CDH12: variants seen among roughly 807,000 people sequenced by gnomAD.
CDH12 encodes the protein cadherin 12, also known as cadherin-12.
In CDH12, 41 loss-of-function variants were observed where a neutral mutation model predicts 74.1. The observed-to-expected ratio is 0.55, with a 90% CI of 0.43 to 0.72. The LOEUF (loss-of-function observed/expected upper bound fraction) is 0.72, where lower values mean the gene tolerates loss of function less well. Ranked by LOEUF, CDH12 falls within the 30% of genes least tolerant of loss-of-function variation. The pLI, the probability that CDH12 is intolerant of heterozygous loss-of-function variation, is 0.00. For missense variants in CDH12, 945 were observed against 977.2 expected (o/e 0.97, Z 0.44); for synonymous variants, 399 against 355.0 (o/e 1.12, Z -1.39).
intron 1 of CDH12, among the ~76,000 whole-genome samples, chr5:22,789,853 G>T (rs529046066): frequency 6.6e-6 from 1 of 151,720 alleles, no homozygotes; most frequent in Non-Finnish European, 1.5e-5. Flanking sequence ...TTATTTGTAA[G>T]AATAAAATAT....
At chr5:22,668,816 T>TCA (rs2126909864) in intron 1 of CDH12, among the ~76,000 whole-genome samples, 1 of 152,264 alleles carries the variant, frequency 6.6e-6, no homozygotes, top group Admixed American at 6.5e-5. Context: ...TCTTTTTCTA[T>TCA]TGGTCATCTC....
chr5:22,547,265 C>A (rs1163315158), intron 1 of CDH12, among the ~76,000 whole-genome samples: 1 of 152,114 alleles, frequency 6.6e-6, no homozygotes. Context: ...TTTATACAGA[C>A]AAGAGACTTG....
chr5:22,345,162 C>A (rs73055960), intron 3 of CDH12, among the ~76,000 whole-genome samples: 1 of 152,262 alleles, frequency 6.6e-6, no homozygotes, highest in Non-Finnish European at 1.5e-5. Context: ...CTGACAATTA[C>A]TCTTTTATTA....
intron 1 of CDH12, among the ~76,000 whole-genome samples, chr5:22,660,427 C>A (rs1326624106): frequency 6.6e-6 from 1 of 152,156 alleles, no homozygotes; most frequent in Non-Finnish European, 1.5e-5. Context: ...ATAATTACTA[C>A]GTTTAATCTC....
chr5:21,790,214 C>G (rs1345342010), intron 10 of CDH12, among the ~76,000 whole-genome samples: 1 of 152,056 alleles, frequency 6.6e-6, no homozygotes, highest in Non-Finnish European at 1.5e-5. Flanking sequence ...AGTCTAACTT[C>G]ATACAGTGAA....
intron 4 of CDH12, among the ~76,000 whole-genome samples, chr5:22,122,994 A>T (rs1745615365): frequency 6.6e-6 from 1 of 152,180 alleles, no homozygotes; most frequent in South Asian, 2.1e-4. Context: ...AATTCATCCT[A>T]AATATCTGGG....
At chr5:22,037,362 C>T (rs1739262532) in intron 5 of CDH12, among the ~76,000 whole-genome samples, 1 of 152,168 alleles carries the variant, frequency 6.6e-6, no homozygotes, top group South Asian at 2.1e-4. Flanking sequence ...AAACAAAGAA[C>T]CAGAATGATA....
intron 1 of CDH12, among the ~76,000 whole-genome samples, chr5:22,593,444 T>G (rs1279373083): frequency 6.6e-6 from 1 of 152,186 alleles, no homozygotes; most frequent in African/African-American, 2.4e-5. Context: ...TACTTAATCT[T>G]TAGAGTAATA....
At chr5:22,319,064 A>G (rs1317272940) in intron 3 of CDH12, among the ~76,000 whole-genome samples, 1 of 152,200 alleles carries the variant, frequency 6.6e-6, no homozygotes, top group Non-Finnish European at 1.5e-5. Flanking sequence ...ATTTCATATC[A>G]CAGCCAATCT....
chr5:22,166,169 T>TA (rs936163767), intron 4 of CDH12, among the ~76,000 whole-genome samples: 1 of 151,320 alleles, frequency 6.6e-6, no homozygotes, highest in Non-Finnish European at 1.5e-5. Flanking sequence ...TCACTTTTTT[T>TA]AAAAAAATAC....
chr5:22,636,461 C>T (rs1427931352), intron 1 of CDH12, among the ~76,000 whole-genome samples: 1 of 152,026 alleles, frequency 6.6e-6, no homozygotes, highest in Admixed American at 6.6e-5. Context: ...ATTGTATATC[C>T]AAACAATGGC....
chr5:22,314,411 C>T (rs952051294), intron 3 of CDH12, among the ~76,000 whole-genome samples: 6 of 151,988 alleles, frequency 3.9e-5, no homozygotes, highest in Non-Finnish European at 7.4e-5. Flanking sequence ...TTATTAGAAG[C>T]GGAAGAGACA....
intron 3 of CDH12, among the ~76,000 whole-genome samples, chr5:22,256,169 A>C (rs1425581102): frequency 6.6e-6 from 1 of 152,154 alleles, no homozygotes; most frequent in East Asian, 1.9e-4. Flanking sequence ...TCTATTCAAC[A>C]TGACTTTATT....
At chr5:21,833,883 T>C (rs546596611) in intron 8 of CDH12, among the ~76,000 whole-genome samples, 1 of 152,114 alleles carries the variant, frequency 6.6e-6, no homozygotes, top group African/African-American at 2.4e-5. Context: ...TACTGGAGAA[T>C]AGGGTCTATG....
At chr5:22,310,306 C>T (rs1026444661) in intron 3 of CDH12, among the ~76,000 whole-genome samples, 1 of 151,596 alleles carries the variant, frequency 6.6e-6, no homozygotes, top group African/African-American at 2.4e-5. Flanking sequence ...ACTAAAAATA[C>T]AAAAAATTAG....
chr5:22,415,787 T>G (rs918684852), intron 2 of CDH12, among the ~76,000 whole-genome samples: 6 of 152,032 alleles, frequency 3.9e-5, no homozygotes, highest in African/African-American at 1.4e-4. Context: ...AGGAGTGGGG[T>G]GCTACTATTA....
At chr5:21,832,840 A>T (rs1446925981) in intron 8 of CDH12, among the ~76,000 whole-genome samples, 5 of 104,334 alleles carry the variant, frequency 4.8e-5, no homozygotes, top group African/African-American at 1.7e-4. Context: ...TAATAATATA[A>T]ATCATATGAT....
intron 1 of CDH12, among the ~76,000 whole-genome samples, chr5:22,715,925 T>A (rs1743552124): frequency 6.6e-6 from 1 of 151,940 alleles, no homozygotes; most frequent in Non-Finnish European, 1.5e-5. Context: ...TCACTTGAGG[T>A]CAGGAGTTCA....
At chr5:22,223,787 G>A (rs1171790602) in intron 3 of CDH12, among the ~76,000 whole-genome samples, 3 of 151,928 alleles carry the variant, frequency 2.0e-5, no homozygotes, top group Non-Finnish European at 4.4e-5. Context: ...TGAAAGCTGG[G>A]CCGCGAGACA....
Sources: gnomAD v4.1 joint callset for allele counts (sites outside exome capture counted in the v4.1 genomes callset) on GRCh38, gnomAD v4.1.1 for gene constraint, MANE v1.5 for transcripts, NCBI Gene and HGNC (gene_info 2026-07-23, HGNC 2026-07-21) for gene names.